TFIP11: variants seen among roughly 807,000 people sequenced by gnomAD.
The protein encoded by TFIP11 is tuftelin-interacting protein 11.
TFIP11 carries 86 observed loss-of-function variants against 96.8 expected under a neutral mutation model. That is an observed-to-expected ratio of 0.89 (90% confidence interval 0.75 to 1.06). The LOEUF (loss-of-function observed/expected upper bound fraction) is 1.06. Among genes scored for constraint, TFIP11 ranks in the 50% least tolerant of loss-of-function variants. The pLI is 0.00. For missense variants in TFIP11, 881 were observed against 1,076.7 expected, an observed-to-expected ratio of 0.82 and a Z score of 2.54; for synonymous variants, 405 against 395.2, an observed-to-expected ratio of 1.02 and a Z score of -0.29.
In TFIP11 at chr22:26,502,061, G is replaced by T; in HGVS notation, c.649-9C>A. 1 of 1,614,024 alleles carries T rather than the reference G, an allele frequency of 6.2e-7. No homozygotes were observed. The highest frequency in any genetic ancestry group is 8.5e-7 in the Non-Finnish European group (1 of 1,179,996). On this transcript the variant is annotated splice_polypyrimidine_tract_variant and intron_variant, in intron 7 of 14. Coordinates refer to ENST00000407690, the MANE Select transcript of TFIP11 (RefSeq NM_012143.4). The stretch of plus-strand genomic sequence containing the variant: ...AGCTCCTTCTGAAACTCCTGAACCA[G>T]AAGAATACAGTCAGATGCAGCAAGG...
Position 26,491,476 on chromosome 22 carries a change from T to G in TFIP11, c.*537A>C, listed in dbSNP as rs199686104. 4.7e-5 allele frequency: 76 copies of G among 1,613,034 alleles called. No individual in the cohort carries two copies. The highest frequency in any genetic ancestry group is 8.5e-7 in the Non-Finnish European group (1 of 1,179,800). On this transcript the variant is annotated 3_prime_UTR_variant, in exon 15 of 15. Transcript: ENST00000407690. ...TTTTCTGCTCAGATTTTAAAAGGACTGGAGGAGCTTGAGTTTCCTCAGACT... is the reference window on the plus strand; with the variant it reads ...TTTTCTGCTCAGATTTTAAAAGGACGGGAGGAGCTTGAGTTTCCTCAGACT...
Position 26,499,723 on chromosome 22 carries a change from T to C in TFIP11, c.802-92A>G, listed in dbSNP as rs967065617. The stretch of plus-strand genomic sequence containing the variant: ...GGGGAAGGCCCCATGACAGGGGAAG[T>C]GTGTAGAAACCACATTATTCAACAG... On this transcript the variant is annotated intron_variant, in intron 8 of 14. Transcript: ENST00000407690. 2.2e-5 allele frequency: 30 copies of C among 1,341,968 alleles called. No homozygotes were observed. In the African/African-American group the frequency reaches 4.2e-4, roughly 19 times the overall value. The allele number at this position is 1,341,968 out of a possible 1,614,324, so 83.1% of individuals were successfully genotyped here.
chr22:26,494,818 G>A lies in TFIP11; in HGVS notation c.1971C>T (p.His657=). The A allele has an allele frequency of 6.2e-7, 1 of 1,614,208 alleles. No individual in the cohort carries two copies. Among genetic ancestry groups the A allele is most frequent in the East Asian group, 2.2e-5 (1 of 44,886 alleles). The change falls in exon 13 of 15, where the codon CAC becomes CAT. Residue 657 remains histidine (H), a synonymous_variant. Coordinates refer to ENST00000407690, the MANE Select transcript of TFIP11 (RefSeq NM_012143.4). ...VSSLVGLLEK[H]FFPKWLQVLC... ...GTACCTGAAGCCACTTGGGGAAGAAGTGCTTTTCAAGAAGTCCCACCAGGC... is the reference window on the plus strand; with the variant it reads ...GTACCTGAAGCCACTTGGGGAAGAAATGCTTTTCAAGAAGTCCCACCAGGC...
At chr22:26,495,859 A>T (rs1223862401) in intron 12 of TFIP11, among the ~76,000 whole-genome samples, 1 of 152,100 alleles carries the variant, frequency 6.6e-6, no homozygotes, top group East Asian at 1.9e-4. Context: ...GTCACTGTCG[A>T]CTATTAGTGA....
chr22:26,496,677 C>T, intron 11 of TFIP11, 44 bp downstream of exon 11: 1 of 1,604,144 alleles, frequency 6.2e-7, no homozygotes, highest in Non-Finnish European at 8.5e-7. Flanking sequence ...GAACAAGTCC[C>T]TGTGATTAGT....
intron 6 of TFIP11, among the ~76,000 whole-genome samples, chr22:26,505,280 G>C (rs1923261868): frequency 6.6e-6 from 1 of 152,096 alleles, no homozygotes; most frequent in Non-Finnish European, 1.5e-5. Flanking sequence ...TGTCTCAATG[G>C]GGCTGGCCAT....
rs1468997698 is a variant in TFIP11, at chr22:26,499,626, T to C, written c.807A>G (p.Ile269Met). The stretch of plus-strand genomic sequence containing the variant: ...CCTTCTGCTCCCGGCCTGTCATGTC[T>C]ATGACCTTGGAAAACATAGAGGGAT... Reference protein sequence around the residue: ...PQKELSQVKVIDMTGREQKVY... With the variant: ...PQKELSQVKVMDMTGREQKVY... The change falls in exon 9 of 15, where the codon ATA becomes ATG. Residue 269 changes from isoleucine (I) to methionine (M), a missense_variant. Coordinates refer to ENST00000407690, the MANE Select transcript of TFIP11 (RefSeq NM_012143.4). 6.2e-7 allele frequency: 1 copy of C among 1,607,548 alleles called. No homozygotes were observed. The highest frequency in any genetic ancestry group is 1.3e-5 in the African/African-American group (1 of 74,880).
At position 26,496,214 on chromosome 22, in the gene TFIP11, T is replaced by C; in HGVS notation, c.1708A>G (p.Ile570Val). The change falls in exon 12 of 15, where the codon ATC becomes GTC. Residue 570 changes from isoleucine (I) to valine (V), a missense_variant. Physicochemically the swap from Ile to Val is conservative, Grantham distance 29. Transcript: ENST00000407690. ...QARLEPLYSP[I>V]RSKLSSALQK... ...AGGGCGCTGGACAGCTTACTACGGATGGGGGAATAGAGTGGCTCCAGCCGT... is the reference window on the plus strand; with the variant it reads ...AGGGCGCTGGACAGCTTACTACGGACGGGGGAATAGAGTGGCTCCAGCCGT... The C allele has an allele frequency of 6.2e-7, 1 of 1,613,718 alleles. No homozygotes were observed. The highest frequency in any genetic ancestry group is 8.5e-7 in the Non-Finnish European group (1 of 1,179,968).
At position 26,496,896 on chromosome 22, in the gene TFIP11, G is replaced by A. The variant is rs1341686741; in HGVS notation, c.1437-7C>T. ...CCAGACTTCCCATATCAACCTATGG[G>A]AGAAAGGCAGAGGACAGGCTGGTTA... On this transcript the variant is annotated splice_region_variant and splice_polypyrimidine_tract_variant and intron_variant, in intron 10 of 14. Transcript: ENST00000407690. 9 of 1,613,454 alleles carry A rather than the reference G, an allele frequency of 5.6e-6. No homozygotes were observed. Among genetic ancestry groups the A allele is most frequent in the Admixed American group, 1.7e-5 (1 of 59,996 alleles).
intron 7 of TFIP11, among the ~76,000 whole-genome samples, chr22:26,502,473 A>C (rs949102137): frequency 6.6e-6 from 1 of 152,158 alleles, no homozygotes; most frequent in African/African-American, 2.4e-5. Context: ...CTAACTCTCA[A>C]AGCAAAGGTG....
At chr22:26,494,414 A>G (rs759264286) in intron 13 of TFIP11, 110 bp from the exon 14 acceptor site, 45 of 1,277,430 alleles carry the variant, frequency 3.5e-5, no homozygotes, top group Non-Finnish European at 5.1e-5. Context: ...TAGTGACACT[A>G]CTTTACAGGG....
rs138581074 is a variant in TFIP11, at chr22:26,499,396, C to T, written c.1037G>A (p.Arg346Gln). The change falls in exon 9 of 15, where the codon CGG becomes CAG. Residue 346 changes from arginine (R) to glutamine (Q), a missense_variant. By Grantham distance (43) the Arg-to-Gln change is conservative (BLOSUM62 1). Transcript: ENST00000407690. ...GTGGAAGAGGTTGACCACCATGTCC[C>T]GCTCATACTGTAGCTGCCGGTCATT... is the stretch of plus-strand genomic sequence containing the variant. ...IQNDRQLQYE[R>Q]DMVVNLFHEL... 5.6e-6 allele frequency: 9 copies of T among 1,614,002 alleles called. No homozygotes were observed. The highest frequency in any genetic ancestry group is 1.7e-5 in the Admixed American group (1 of 60,010).
At position 26,494,873 on chromosome 22, in the gene TFIP11, A is replaced by G. The variant is rs1398312664; in HGVS notation, c.1916T>C (p.Ile639Thr). 5 of 1,614,202 alleles carry G rather than the reference A, an allele frequency of 3.1e-6. No individual in the cohort carries two copies. The highest frequency in any genetic ancestry group is 1.7e-5 in the Admixed American group (1 of 60,022). ...QQHMDAFYWV[I>T]DWEGMISVSS... is the part of the protein sequence containing the mutation. Reference sequence around the variant, plus strand: ...GACAGAGATCATCCCTTCCCAGTCAATCACCCAATAGAATGCATCCATGTG... The same window carrying G: ...GACAGAGATCATCCCTTCCCAGTCAGTCACCCAATAGAATGCATCCATGTG... The change falls in exon 13 of 15, where the codon ATT becomes ACT. Residue 639 changes from isoleucine to threonine, a missense_variant. Ile to Thr is a moderately conservative substitution (Grantham distance 89). Coordinates refer to ENST00000407690, the MANE Select transcript of TFIP11 (RefSeq NM_012143.4).
At position 26,510,211 on chromosome 22, in the gene TFIP11, C is replaced by T. The variant is rs1264227822; in HGVS notation, c.62G>A (p.Arg21Gln). The change falls in exon 4 of 15, where the codon CGG becomes CAG. Residue 21 changes from arginine (R) to glutamine (Q), a missense_variant. Arg to Gln is a conservative substitution (Grantham distance 43). Coordinates refer to ENST00000407690, the MANE Select transcript of TFIP11 (RefSeq NM_012143.4). Reference sequence around the variant, plus strand: ...CCAGTCAGTGATCTCAAAGTTCTCCCGCTCGTCATCATCATCATCAATGCG... The same window carrying T: ...CCAGTCAGTGATCTCAAAGTTCTCCTGCTCGTCATCATCATCATCAATGCG... ...EGRIDDDDDE[R>Q]ENFEITDWDL... is the part of the protein sequence containing the mutation. The T allele has an allele frequency of 1.9e-6, 3 of 1,614,076 alleles. No homozygotes were observed. Among genetic ancestry groups the T allele is most frequent in the Admixed American group, 1.7e-5 (1 of 59,998 alleles).
At chr22:26,503,623 T>G (rs1923047918) in intron 7 of TFIP11, 43 bp downstream of exon 7, 4 of 1,606,440 alleles carry the variant, frequency 2.5e-6, no homozygotes, top group Non-Finnish European at 2.5e-6. Flanking sequence ...CCATTAGAAA[T>G]GGACAGGACA....
chr22:26,494,583 T>G, intron 13 of TFIP11: 1 of 750,588 alleles, frequency 1.3e-6, no homozygotes, highest in Non-Finnish European at 2.1e-6. Flanking sequence ...TGAGAGGAGC[T>G]GAGATAAAGC....
chr22:26,502,707 A>G (rs572202623), intron 7 of TFIP11, among the ~76,000 whole-genome samples: 4 of 152,328 alleles, frequency 2.6e-5, no homozygotes, highest in African/African-American at 9.6e-5. Flanking sequence ...CTCTAAAAGT[A>G]TCTAGACATC....
In TFIP11 at chr22:26,506,873, C is replaced by G. The variant is rs575395467; in HGVS notation, c.265G>C (p.Ala89Pro). The G allele has an allele frequency of 6.2e-7, 1 of 1,614,188 alleles. No individual in the cohort carries two copies. Among genetic ancestry groups the G allele is most frequent in the Admixed American group, 1.7e-5 (1 of 60,026 alleles). ...TCTTCCAACTCTGCCTCCTCCGCTG[C>G]CCCTTTCTTGAGCCCTGCGCTGATG... Reference protein sequence around the residue: ...NFISAGLKKGAAEEAELEDSD... With the variant: ...NFISAGLKKGPAEEAELEDSD... Residue 89 changes from alanine (A) to proline (P), a missense_variant, in exon 5 of 15, where the codon GCA becomes CCA. Transcript: ENST00000407690.
rs1458816113 is a variant in TFIP11, at chr22:26,512,405, T to C, written c.-184A>G. On this transcript the variant is annotated 5_prime_UTR_variant, in exon 1 of 15. Coordinates refer to ENST00000407690, the MANE Select transcript of TFIP11 (RefSeq NM_012143.4). ...CCAGCCGTGCTCACCTGTCCGAGGGTCCAGCGTACCAAATTCAGCTTCACC... is the reference window on the plus strand; with the variant it reads ...CCAGCCGTGCTCACCTGTCCGAGGGCCCAGCGTACCAAATTCAGCTTCACC... The C allele has an allele frequency of 3.9e-5, 6 of 152,222 alleles. No homozygotes were observed. Among genetic ancestry groups the C allele is most frequent in the Non-Finnish European group, 7.3e-5 (5 of 68,104 alleles). The allele number at this position is 152,222 out of a possible 1,614,324, so 9.4% of individuals were successfully genotyped here.
Sources: allele counts gnomAD v4.1 joint callset (sites outside exome capture counted in the v4.1 genomes callset), GRCh38; gene constraint gnomAD v4.1.1; transcripts MANE v1.5; gene names NCBI Gene and HGNC (gene_info 2026-07-23, HGNC 2026-07-21).